Variants in CBLN2 observed in about 807,000 individuals in gnomAD.
The protein encoded by CBLN2 is cerebellin-2.
Under a neutral mutation model 15.0 loss-of-function variants are expected in CBLN2, and 7 were observed. The observed-to-expected ratio is 0.47, with a 90% CI of 0.27 to 0.88. CBLN2 has a LOEUF of 0.88. Ranked by LOEUF, CBLN2 falls within the 40% of genes least tolerant of loss-of-function variation. CBLN2 has a pLI of 0.14. For synonymous variants in CBLN2, 149 were observed against 135.2 expected, an observed-to-expected ratio of 1.10 and a Z score of -0.71; for missense variants, 242 against 304.5, an observed-to-expected ratio of 0.79 and a Z score of 1.53.
At chr18:72,577,631 T>C (rs1235738006) in intron 1 of CBLN2, among the ~76,000 whole-genome samples, 1 of 152,206 alleles carries the variant, frequency 6.6e-6, no homozygotes, top group African/African-American at 2.4e-5. Context: ...TTAGTCTCCA[T>C]GGGCAAGAGC....
intron 1 of CBLN2, among the ~76,000 whole-genome samples, chr18:72,556,710 T>C (rs1201271470): frequency 2.0e-5 from 3 of 152,160 alleles, no homozygotes; most frequent in Non-Finnish European, 4.4e-5. Flanking sequence ...GGGTGTTTCT[T>C]TAGCTTATCT....
chr18:72,628,782 G>A (rs147419868), intron 1 of CBLN2, among the ~76,000 whole-genome samples: 1 of 152,268 alleles, frequency 6.6e-6, no homozygotes, highest in African/African-American at 2.4e-5. Flanking sequence ...ATATCCTCTT[G>A]GCATTAGGAA....
At chr18:72,545,841 C>T, upstream of CBLN2, among the ~76,000 whole-genome samples, 1 of 152,176 alleles carries the variant, frequency 6.6e-6, no homozygotes, top group East Asian at 1.9e-4. Context: ...ATACTGTAAG[C>T]ATTCCTTTTG....
chr18:72,612,571 T>G (rs2069629617), intron 1 of CBLN2, among the ~76,000 whole-genome samples: 5 of 152,290 alleles, frequency 3.3e-5, no homozygotes, highest in Admixed American at 3.3e-4. Flanking sequence ...TTTTCTGTAC[T>G]TAATGTCTTC....
chr18:72,634,466 C>G (rs1052508245), intron 1 of CBLN2, among the ~76,000 whole-genome samples: 2 of 151,870 alleles, frequency 1.3e-5, no homozygotes, highest in Non-Finnish European at 2.9e-5. Flanking sequence ...GGATAAGACC[C>G]TAATAATTAT....
At chr18:72,613,339 A>G (rs979879602) in intron 1 of CBLN2, among the ~76,000 whole-genome samples, 1 of 152,208 alleles carries the variant, frequency 6.6e-6, no homozygotes, top group Admixed American at 6.5e-5. Flanking sequence ...TGGGTTTCAC[A>G]TTACAGTGAC....
rs143042278 is a variant in CBLN2 at position 72,594,012 on chromosome 18, T to C, written c.15+44313A>G. On this transcript the variant is annotated intron_variant, in intron 1 of 2. Coordinates refer to the CBLN2 transcript ENST00000581073. ...CATGGATGAAGCTGGAAACCACCAT[T>C]CTCAGCAAACTAACACAGGAACAGA... Among the ~76,000 whole-genome samples the C allele has an allele frequency of 6.3e-3, 964 of 152,250 alleles. 12 individuals carry two copies. The highest frequency in any genetic ancestry group is 0.021 in the African/African-American group (868 of 41,556).
At chr18:72,547,016 C>G (rs1459249766), upstream of CBLN2, among the ~76,000 whole-genome samples, 1 of 151,834 alleles carries the variant, frequency 6.6e-6, no homozygotes, top group African/African-American at 2.4e-5. Flanking sequence ...AAAAGGATAC[C>G]TACACTGCTA....
intron 1 of CBLN2, among the ~76,000 whole-genome samples, chr18:72,554,365 C>T (rs1392357581): frequency 6.6e-6 from 1 of 151,786 alleles, no homozygotes; most frequent in Non-Finnish European, 1.5e-5. Flanking sequence ...ACAAAAAAAG[C>T]ATATGAAAAA....
intron 1 of CBLN2, among the ~76,000 whole-genome samples, chr18:72,630,265 A>T (rs1014579832): frequency 6.6e-6 from 1 of 152,166 alleles, no homozygotes; most frequent in Non-Finnish European, 1.5e-5. Flanking sequence ...TAAGTGGGTC[A>T]TAGAAAGGAT....
At chr18:72,631,560 A>G (rs1370880011) in intron 1 of CBLN2, among the ~76,000 whole-genome samples, 1 of 152,114 alleles carries the variant, frequency 6.6e-6, no homozygotes, top group Admixed American at 6.6e-5. Context: ...GTGACTCTTT[A>G]TCTCCCACAC....
At chr18:72,615,063 A>G (rs1201078844) in intron 1 of CBLN2, among the ~76,000 whole-genome samples, 1 of 138,266 alleles carries the variant, frequency 7.2e-6, no homozygotes, top group Non-Finnish European at 1.5e-5. Context: ...ATATAAATAT[A>G]TATATTTATA....
At chr18:72,617,777 T>G (rs1214154295) in intron 1 of CBLN2, among the ~76,000 whole-genome samples, 1 of 152,142 alleles carries the variant, frequency 6.6e-6, no homozygotes, top group Non-Finnish European at 1.5e-5. Flanking sequence ...GTCAATGTTG[T>G]GAAAACATAT....
At chr18:72,607,678 CCT>C (rs137899122) in intron 1 of CBLN2, among the ~76,000 whole-genome samples, 3 of 149,584 alleles carry the variant, frequency 2.0e-5, no homozygotes, top group Admixed American at 6.7e-5. Context: ...TATGTAGATA[CCT>C]CTCTCTCTCT....
At chr18:72,544,958 G>A (rs1030535825), upstream of CBLN2, among the ~76,000 whole-genome samples, 4 of 137,830 alleles carry the variant, frequency 2.9e-5, no homozygotes, top group Non-Finnish European at 6.2e-5. Flanking sequence ...TGCATTATAC[G>A]TCTTTTCTGA....
At chr18:72,602,447 C>A (rs2069555168) in intron 1 of CBLN2, among the ~76,000 whole-genome samples, 2 of 152,038 alleles carry the variant, frequency 1.3e-5, no homozygotes, top group Admixed American at 1.3e-4. Context: ...TCTTTTCTAC[C>A]TTTATTTCTA....
At chr18:72,626,684 A>C (rs1350990684) in intron 1 of CBLN2, among the ~76,000 whole-genome samples, 1 of 152,158 alleles carries the variant, frequency 6.6e-6, no homozygotes, top group Non-Finnish European at 1.5e-5. Context: ...TTGGCGACAG[A>C]GTGAGACTCT....
At chr18:72,626,133 C>A (rs1253018416) in intron 1 of CBLN2, among the ~76,000 whole-genome samples, 1 of 151,874 alleles carries the variant, frequency 6.6e-6, no homozygotes, top group Non-Finnish European at 1.5e-5. Context: ...AGGGTTATCT[C>A]CCGTTCGGCA....
chr18:72,637,359 G>A (rs2069820736), intron 1 of CBLN2, among the ~76,000 whole-genome samples: 1 of 151,942 alleles, frequency 6.6e-6, no homozygotes, highest in South Asian at 2.1e-4. Flanking sequence ...AGAATGAATT[G>A]CAAAGAATCA....
Sources: gnomAD v4.1 joint callset for allele counts (sites outside exome capture counted in the v4.1 genomes callset) on GRCh38, gnomAD v4.1.1 for gene constraint, MANE v1.5 for transcripts, NCBI Gene and HGNC (gene_info 2026-07-23, HGNC 2026-07-21) for gene names.